Variants in FLYWCH1 observed in about 807,000 individuals in gnomAD.
The protein encoded by FLYWCH1 is FLYWCH-type zinc finger-containing protein 1.
In FLYWCH1, 75 loss-of-function variants were observed where a neutral mutation model predicts 66.4. The ratio of observed to expected loss-of-function variants is 1.13; its 90% CI spans 0.94 to 1.37. The LOEUF is 1.37. Among genes scored for constraint, FLYWCH1 ranks in the 40% most tolerant of loss-of-function variants. The pLI is 0.00. For synonymous variants in FLYWCH1, 595 were observed against 429.9 expected (o/e 1.38, Z -4.75); for missense variants, 1,334 against 1,001.8 (o/e 1.33, Z -4.48).
At chr16:2,946,391 G>C (rs771371564) in intron 9 of FLYWCH1, among the ~76,000 whole-genome samples, 2 of 136,510 alleles carry the variant, frequency 1.5e-5, no homozygotes, top group Non-Finnish European at 3.1e-5. Flanking sequence ...GTGAGATCTC[G>C]GCTCACTGCA....
At chr16:2,927,849 G>A (rs538943379) in intron 2 of FLYWCH1, among the ~76,000 whole-genome samples, 2 of 152,226 alleles carry the variant, frequency 1.3e-5, no homozygotes, top group Non-Finnish European at 2.9e-5. Context: ...GTGGGCCCAG[G>A]AGATGGGCAC....
intron 2 of FLYWCH1, 140 bp downstream of exon 2, chr16:2,914,429 G>C (rs1046646170): frequency 2.4e-4 from 37 of 152,248 alleles, no homozygotes; most frequent in African/African-American, 8.4e-4. Context: ...GAGCCCTTGT[G>C]GTCACCAGCA....
chr16:2,936,892 C>G lies in FLYWCH1; in HGVS notation c.1514-229C>G, dbSNP rs540921470. ...GGCATGGCAAGGTGGGACGCTTGGC[C>G]GCCACCTGCAGGGGCCTCACCTGAC... On this transcript the variant is annotated intron_variant, in intron 6 of 9. Transcript: ENST00000253928. 6 of 658,174 alleles carry G rather than the reference C, an allele frequency of 9.1e-6. No homozygotes were observed. The African/African-American group carries it at 1.1e-4, about 12-fold the overall frequency. 40.8% of individuals were successfully genotyped at this position (658,174 alleles called of 1,614,324 possible). A position where few individuals can be genotyped will look rare whatever the true frequency, so the allele number is the denominator to read the frequency against.
chr16:2,930,144 C>A, intron 3 of FLYWCH1, 134 bp downstream of exon 3: 4 of 824,194 alleles, frequency 4.9e-6, no homozygotes, highest in Non-Finnish European at 7.5e-6. Context: ...TGATCCTGAG[C>A]GTGTCCGAGG....
At chr16:2,947,763 C>CTT (rs2071543928) in intron 9 of FLYWCH1, among the ~76,000 whole-genome samples, 26 of 126,348 alleles carry the variant, frequency 2.1e-4, no homozygotes, top group Admixed American at 3.2e-4. Context: ...ACTCTTATCT[C>CTT]AAAAAAAAAA....
intron 2 of FLYWCH1, chr16:2,923,040 T>A (rs1374054832): frequency 2.3e-6 from 1 of 438,848 alleles, no homozygotes; most frequent in Non-Finnish European, 4.4e-6. Context: ...GTGGATCTTT[T>A]TTTGTGTGTG....
Position 2,929,641 on chromosome 16 carries a change from G to T in FLYWCH1, c.-45G>T, listed in dbSNP as rs749760267. 1.9e-6 allele frequency: 3 copies of T among 1,571,258 alleles called. No individual in the cohort carries two copies. The South Asian group carries it at 3.5e-5, about 18-fold the overall frequency. On this transcript the variant is annotated 5_prime_UTR_variant, in exon 3 of 10. Transcript: ENST00000253928. Reference sequence around the variant, plus strand: ...GGAACCACTGCACTCCAGGTTCCTTGCTGGGTGCTGAGCGTGGCCTGAGGG... The same window carrying T: ...GGAACCACTGCACTCCAGGTTCCTTTCTGGGTGCTGAGCGTGGCCTGAGGG...
rs767534543 is a variant in FLYWCH1, at chr16:2,933,701, C to G, written c.1250-15C>G. The G allele has an allele frequency of 3.1e-5, 50 of 1,607,650 alleles. No homozygotes were observed. Among genetic ancestry groups the G allele is most frequent in the Non-Finnish European group, 4.1e-5 (48 of 1,176,730 alleles). On this transcript the variant is annotated splice_polypyrimidine_tract_variant and intron_variant, in intron 5 of 9. Coordinates refer to ENST00000253928, the MANE Select transcript of FLYWCH1 (RefSeq NM_001308068.2). ...CCCCTGTCCCCTCCCCTGACTGCCT[C>G]TTGAACCTCCCCAGGAGGCCCTGAG...
chr16:2,950,783 C>G lies in FLYWCH1; in HGVS notation c.*2056C>G, dbSNP rs899853372. 1 of 152,294 alleles carries G rather than the reference C, an allele frequency of 6.6e-6. No individual in the cohort carries two copies. Among genetic ancestry groups the G allele is most frequent in the African/African-American group, 2.4e-5 (1 of 41,478 alleles). The allele number at this position is 152,294 out of a possible 1,614,324, so 9.4% of individuals were successfully genotyped here. On this transcript the variant is annotated 3_prime_UTR_variant, in exon 10 of 10. Transcript: ENST00000253928. ...GCCTGCTTTGACCTTAGAAGACAGA[C>G]GGCAGCTCGCGTTGCTGGGCTGAGA...
rs1201603036 is a variant in FLYWCH1, at chr16:2,914,220, C to T, written c.-143C>T. ...GTTACGGGATTTGCCCCCGGGGCTC[C>T]TGCCCAGCAAGCCAGCGCCGTGACC... On this transcript the variant is annotated 5_prime_UTR_variant, in exon 2 of 10. Transcript: ENST00000253928. 6.6e-6 allele frequency: 1 copy of T among 152,262 alleles called. No individual in the cohort carries two copies. Among genetic ancestry groups the T allele is most frequent in the East Asian group, 1.9e-4 (1 of 5,194 alleles). The allele number at this position is 152,262 out of a possible 1,614,324, so 9.4% of individuals were successfully genotyped here.
At position 2,915,728 on chromosome 16, in the gene FLYWCH1, C is replaced by T. The variant is rs114416517; in HGVS notation, c.-74+1439C>T. On this transcript the variant is annotated intron_variant, in intron 2 of 9. Coordinates refer to ENST00000253928, the MANE Select transcript of FLYWCH1 (RefSeq NM_001308068.2). ...ACCAGAATGGCTTGAGCCTGGGAATCGGAGGTTGCAGTTAGCTGAGATCTA... is the reference window on the plus strand; with the variant it reads ...ACCAGAATGGCTTGAGCCTGGGAATTGGAGGTTGCAGTTAGCTGAGATCTA... 9.3e-4 allele frequency among the ~76,000 whole-genome samples: 140 copies of T among 149,944 alleles called. 1 individual carries two copies. The highest frequency in any genetic ancestry group is 3.2e-3 in the African/African-American group (131 of 40,640).
chr16:2,930,511 GT>G lies in FLYWCH1; in HGVS notation c.428del (p.Val143GlyfsTer26). 6.5e-7 allele frequency: 1 copy of G among 1,540,470 alleles called. No individual in the cohort carries two copies. The highest frequency in any genetic ancestry group is 8.7e-7 in the Non-Finnish European group (1 of 1,148,616). On this transcript the variant is annotated frameshift_variant, in exon 4 of 10. Transcript: ENST00000253928. LOFTEE classifies it high-confidence loss of function. Reference sequence around the variant, plus strand: ...GCAGGAGAAGGCAGTGGGGGACAAGGTGTACTGGAAGTGCCGCCAACATGCT... The same window carrying G: ...GCAGGAGAAGGCAGTGGGGGACAAGGGTACTGGAAGTGCCGCCAACATGCT... The part of the protein sequence containing the change: ...YKQEKAVGDK[V>X]YWKCRQHAEL...
intron 6 of FLYWCH1, chr16:2,936,616 G>C: frequency 4.4e-6 from 2 of 457,568 alleles, no homozygotes; most frequent in Non-Finnish European, 8.8e-6. Context: ...CCACCCGCCA[G>C]GTCCTCCCTC....
chr16:2,929,558 G>C lies in FLYWCH1; in HGVS notation c.-73-55G>C, dbSNP rs925433713. 8.0e-6 allele frequency: 10 copies of C among 1,255,442 alleles called. No individual in the cohort carries two copies. The African/African-American group carries it at 1.4e-4, about 17-fold the overall frequency. 77.8% of individuals were successfully genotyped at this position (1,255,442 alleles called of 1,614,324 possible). On this transcript the variant is annotated intron_variant, in intron 2 of 9. Transcript: ENST00000253928. ...TGCCCCACCTCCCTCCCAGATCCACGTCTAGAGTCCCCCAAGGGCTTCCAC... is the reference window on the plus strand; with the variant it reads ...TGCCCCACCTCCCTCCCAGATCCACCTCTAGAGTCCCCCAAGGGCTTCCAC...
At chr16:2,942,272 T>G (rs2071299651) in intron 9 of FLYWCH1, among the ~76,000 whole-genome samples, 1 of 151,652 alleles carries the variant, frequency 6.6e-6, no homozygotes, top group East Asian at 2.0e-4. Context: ...CTCACCCTCC[T>G]GAGTAGCTGG....
At chr16:2,947,171 G>T (rs1222018771) in intron 9 of FLYWCH1, among the ~76,000 whole-genome samples, 1 of 152,194 alleles carries the variant, frequency 6.6e-6, no homozygotes, top group Non-Finnish European at 1.5e-5. Flanking sequence ...ACTGACGCAT[G>T]CTACAATGAG....
intron 9 of FLYWCH1, among the ~76,000 whole-genome samples, 177 bp from the exon 10 acceptor site, chr16:2,948,511 C>A (rs556948946): frequency 6.6e-6 from 1 of 151,374 alleles, no homozygotes; most frequent in Non-Finnish European, 1.5e-5. Context: ...TGCAGTGAGC[C>A]GAGATCGCAC....
At chr16:2,923,124 T>C in intron 2 of FLYWCH1, 2 of 402,110 alleles carry the variant, frequency 5.0e-6, no homozygotes, top group Admixed American at 6.3e-5. Flanking sequence ...TCTTTTTTTG[T>C]GTGGCTGTGG....
chr16:2,926,196 C>G (rs904715459), intron 2 of FLYWCH1, among the ~76,000 whole-genome samples: 1 of 152,188 alleles, frequency 6.6e-6, no homozygotes, highest in African/African-American at 2.4e-5. Flanking sequence ...TATGCTATTT[C>G]AAACAATAGA....
Sources: gnomAD v4.1 joint callset for allele counts (sites outside exome capture counted in the v4.1 genomes callset) on GRCh38, gnomAD v4.1.1 for gene constraint, MANE v1.5 for transcripts, NCBI Gene and HGNC (gene_info 2026-07-23, HGNC 2026-07-21) for gene names.